Variants in CCDC62 observed in about 807,000 individuals in gnomAD.
The protein encoded by CCDC62 is coiled-coil domain-containing protein 62.
CCDC62 carries 72 observed loss-of-function variants against 80.8 expected under a neutral mutation model. That is an observed-to-expected ratio of 0.89 (90% CI 0.74 to 1.08). The LOEUF (loss-of-function observed/expected upper bound fraction) is 1.08, where lower values mean the gene tolerates loss of function less well. Among genes scored for constraint, CCDC62 ranks in the 50% least tolerant of loss-of-function variants. CCDC62 has a pLI of 0.00. For missense variants in CCDC62, 704 were observed against 809.4 expected, an observed-to-expected ratio of 0.87 and a Z score of 1.58; for synonymous variants, 286 against 296.5, an observed-to-expected ratio of 0.96 and a Z score of 0.36.
intron 11 of CCDC62, among the ~76,000 whole-genome samples, chr12:122,822,466 G>A (rs1386867933): frequency 4.6e-5 from 7 of 151,264 alleles, no homozygotes; most frequent in Admixed American, 4.0e-4. Context: ...TTTTCCTCCT[G>A]TCTAATTGAA....
At chr12:122,821,250 C>T (rs1222401139) in intron 11 of CCDC62, among the ~76,000 whole-genome samples, 5 of 152,160 alleles carry the variant, frequency 3.3e-5, no homozygotes, top group South Asian at 4.1e-4. Flanking sequence ...GGACTGACAG[C>T]GAGCCAGTTA....
intron 10 of CCDC62, among the ~76,000 whole-genome samples, chr12:122,808,500 G>C (rs1255353289): frequency 6.6e-6 from 1 of 151,896 alleles, no homozygotes; most frequent in Admixed American, 6.6e-5. Flanking sequence ...ATGCTAGCTA[G>C]CTCATATGGT....
chr12:122,799,809 C>T (rs762920630), intron 8 of CCDC62, among the ~76,000 whole-genome samples: 29 of 152,116 alleles, frequency 1.9e-4, no homozygotes, highest in African/African-American at 3.1e-4. Context: ...CAGGGATCAC[C>T]CCAGGCGTGT....
chr12:122,805,329 A>C (rs1593814026), intron 9 of CCDC62, among the ~76,000 whole-genome samples: 2 of 142,766 alleles, frequency 1.4e-5, no homozygotes, highest in East Asian at 4.2e-4. Context: ...TTACCTAATA[A>C]TTTTGTCTTA....
intron 11 of CCDC62, among the ~76,000 whole-genome samples, chr12:122,815,296 C>G (rs2032116234): frequency 6.6e-6 from 1 of 152,024 alleles, no homozygotes; most frequent in South Asian, 2.1e-4. Flanking sequence ...CCAGGCTGGT[C>G]TCAAACTCTT....
rs904540524 is a variant in CCDC62 at position 122,827,455 on chromosome 12, G to A, written c.*1074G>A. On this transcript the variant is annotated 3_prime_UTR_variant, in exon 13 of 13. Coordinates refer to ENST00000253079, the MANE Select transcript of CCDC62 (RefSeq NM_201435.5). ...ACCTCATTTAGCCTTTTTAATTAGGGTGCTGAAAAGAGAAGTTGGGTGAGG... is the reference window on the plus strand; with the variant it reads ...ACCTCATTTAGCCTTTTTAATTAGGATGCTGAAAAGAGAAGTTGGGTGAGG... 1 of 152,166 alleles carries A rather than the reference G, an allele frequency of 6.6e-6. No individual in the cohort carries two copies. The highest frequency in any genetic ancestry group is 1.5e-5 in the Non-Finnish European group (1 of 68,046). 9.4% of individuals were successfully genotyped at this position (152,166 alleles called of 1,614,324 possible). A position where few individuals can be genotyped will look rare whatever the true frequency, so the allele number is the denominator to read the frequency against.
chr12:122,799,808 C>T (rs1464142070), intron 8 of CCDC62, among the ~76,000 whole-genome samples: 2 of 152,148 alleles, frequency 1.3e-5, no homozygotes, highest in African/African-American at 4.8e-5. Context: ...GCAGGGATCA[C>T]CCCAGGCGTG....
Position 122,801,303 on chromosome 12 carries a change from T to G in CCDC62, c.1157T>G (p.Val386Gly). 6.2e-7 allele frequency: 1 copy of G among 1,614,100 alleles called. No individual in the cohort carries two copies. Among genetic ancestry groups the G allele is most frequent in the Non-Finnish European group, 8.5e-7 (1 of 1,180,012 alleles). Reference protein sequence around the residue: ...CKEKKQQIDTVFGEKSVITLS... With the variant: ...CKEKKQQIDTGFGEKSVITLS... ...GAGAAGAAACAACAGATCGATACTG[T>G]GTTTGGGGAGAAAAGTGTAATTACG... is the stretch of plus-strand genomic sequence containing the variant. Residue 386 changes from valine (V) to glycine (G), a missense_variant, in exon 9 of 13, where the codon GTG (valine) becomes GGG (glycine). By Grantham distance (109) the Val-to-Gly change is moderately radical. Coordinates refer to ENST00000253079, the MANE Select transcript of CCDC62 (RefSeq NM_201435.5).
intron 9 of CCDC62, among the ~76,000 whole-genome samples, chr12:122,804,656 C>T (rs190589017): frequency 8.3e-4 from 126 of 151,998 alleles, no homozygotes; most frequent in African/African-American, 2.8e-3. Context: ...AAGCCATTAA[C>T]AAAAATCAAT....
At chr12:122,781,464 T>TC in intron 3 of CCDC62, 134 bp downstream of exon 3, 1 of 735,342 alleles carries the variant, frequency 1.4e-6, no homozygotes, top group Non-Finnish European at 2.3e-6. Flanking sequence ...GGCAGGTGGA[T>TC]CACCTGAGGT....
intron 2 of CCDC62, 118 bp downstream of exon 2, chr12:122,777,801 G>T: frequency 1.1e-6 from 1 of 906,156 alleles, no homozygotes; most frequent in South Asian, 1.7e-5. Flanking sequence ...TCAAGTTTAG[G>T]CTCATTGGAG....
chr12:122,798,049 T>A (rs761720096), intron 7 of CCDC62, 36 bp from the exon 8 acceptor site: 27 of 1,062,572 alleles, frequency 2.5e-5, no homozygotes, highest in Non-Finnish European at 3.9e-5. Flanking sequence ...AGTTTTGTTA[T>A]TACATTTCAT....
chr12:122,778,856 G>C (rs1488947953), intron 2 of CCDC62, among the ~76,000 whole-genome samples: 2 of 152,012 alleles, frequency 1.3e-5, no homozygotes, highest in Non-Finnish European at 2.9e-5. Flanking sequence ...TCCATCCTGG[G>C]CGACAGAGCG....
At chr12:122,821,002 G>A (rs988645556) in intron 11 of CCDC62, among the ~76,000 whole-genome samples, 1 of 152,124 alleles carries the variant, frequency 6.6e-6, no homozygotes, top group African/African-American at 2.4e-5. Flanking sequence ...ACAGGCAGGG[G>A]GAGGTGAGGA....
chr12:122,809,216 G>A (rs1460700384), intron 10 of CCDC62, among the ~76,000 whole-genome samples: 1 of 152,260 alleles, frequency 6.6e-6, no homozygotes, highest in Non-Finnish European at 1.5e-5. Context: ...CAGGCCGGGC[G>A]TGGTGGCTCA....
rs202102090 is a variant in CCDC62 at position 122,788,802 on chromosome 12, G to A, written c.543G>A (p.Ser181=). 205 of 1,595,776 alleles carry A rather than the reference G, an allele frequency of 1.3e-4. No individual in the cohort carries two copies. The highest frequency in any genetic ancestry group is 1.7e-4 in the Non-Finnish European group (196 of 1,174,892). Residue 181 remains serine, a synonymous_variant, in exon 5 of 13, where the codon TCG becomes TCA. Transcript: ENST00000253079. ...CAGTTAATCACATTGCAGATTGTTC[G>A]GGTAAATTTAAAATGCTAGAGCATG... ...IEAVNHIADC[S]GKFKMLEHAL...
chr12:122,787,300 A>T (rs1014147829), intron 4 of CCDC62, among the ~76,000 whole-genome samples: 56 of 151,862 alleles, frequency 3.7e-4, no homozygotes, highest in Non-Finnish European at 3.1e-4. Flanking sequence ...AATACAAAAA[A>T]ATTAGCCGGG....
At chr12:122,806,047 C>T (rs2031578178) in intron 9 of CCDC62, 104 bp from the exon 10 acceptor site, 3 of 1,080,930 alleles carry the variant, frequency 2.8e-6, no homozygotes, top group Non-Finnish European at 3.9e-6. Flanking sequence ...GCTTCAATAA[C>T]AAAAACACTT....
intron 6 of CCDC62, among the ~76,000 whole-genome samples, chr12:122,794,589 T>C (rs1172287261): frequency 6.6e-6 from 1 of 152,234 alleles, no homozygotes; most frequent in Non-Finnish European, 1.5e-5. Flanking sequence ...TTTATTCTTC[T>C]TTTTCAAAAT....
Sources: allele counts gnomAD v4.1 joint callset (sites outside exome capture counted in the v4.1 genomes callset), GRCh38; gene constraint gnomAD v4.1.1; transcripts MANE v1.5; gene names NCBI Gene and HGNC (gene_info 2026-07-23, HGNC 2026-07-21).